Variants in CNTN5 observed in about 807,000 individuals in gnomAD.
CNTN5 encodes contactin-5.
CNTN5 carries 77 observed loss-of-function variants against 129.1 expected under a neutral mutation model. The ratio of observed to expected loss-of-function variants is 0.60; its 90% confidence interval spans 0.50 to 0.72. CNTN5 has a LOEUF of 0.72. Among genes scored for constraint, CNTN5 ranks in the 30% least tolerant of loss-of-function variants. The pLI is 0.00. For synonymous variants in CNTN5, 509 were observed against 465.6 expected (o/e 1.09, Z -1.20); for missense variants, 1,478 against 1,328.8 (o/e 1.11, Z -1.75).
intron 8 of CNTN5, among the ~76,000 whole-genome samples, chr11:99,964,644 G>C (rs1253897767): frequency 1.3e-5 from 2 of 152,112 alleles, no homozygotes; most frequent in Non-Finnish European, 2.9e-5. Flanking sequence ...TCTCTGCCAG[G>C]CTTTGGTATC....
At chr11:99,667,587 A>G (rs1952843665) in intron 3 of CNTN5, among the ~76,000 whole-genome samples, 2 of 152,176 alleles carry the variant, frequency 1.3e-5, no homozygotes. Flanking sequence ...TTTCAAAGCT[A>G]TTAAAATACG....
intron 3 of CNTN5, among the ~76,000 whole-genome samples, chr11:99,781,375 T>C (rs969399446): frequency 2.0e-5 from 3 of 152,088 alleles, no homozygotes; most frequent in Non-Finnish European, 4.4e-5. Flanking sequence ...CAATGCATTA[T>C]TTAAGGTGGA....
At chr11:100,233,605 A>G (rs1002034265) in intron 16 of CNTN5, among the ~76,000 whole-genome samples, 3 of 152,152 alleles carry the variant, frequency 2.0e-5, no homozygotes, top group Admixed American at 6.5e-5. Flanking sequence ...AATGACCACA[A>G]ACCTTACTGA....
At chr11:100,135,681 T>TCACC (rs920629041) in intron 13 of CNTN5, among the ~76,000 whole-genome samples, 11 of 152,160 alleles carry the variant, frequency 7.2e-5, no homozygotes, top group African/African-American at 2.7e-4. Flanking sequence ...AAGAGTAAAA[T>TCACC]CACCATGAGT....
chr11:99,143,592 T>G (rs116165346), intron 1 of CNTN5, among the ~76,000 whole-genome samples: 56 of 152,068 alleles, frequency 3.7e-4, no homozygotes, highest in African/African-American at 1.3e-3. Flanking sequence ...CCTTAAAATA[T>G]ATTGAGCACT....
intron 9 of CNTN5, among the ~76,000 whole-genome samples, chr11:100,012,693 G>T (rs978964137): frequency 6.6e-6 from 1 of 152,114 alleles, no homozygotes; most frequent in Non-Finnish European, 1.5e-5. Flanking sequence ...AGTATTCTCA[G>T]TTTACAGTTT....
At chr11:100,123,825 T>C (rs1179223391) in intron 13 of CNTN5, among the ~76,000 whole-genome samples, 1 of 152,150 alleles carries the variant, frequency 6.6e-6, no homozygotes, top group African/African-American at 2.4e-5. Flanking sequence ...AACCAGTATT[T>C]ATTGAGTACT....
At chr11:99,900,187 C>CT (rs71050031) in intron 6 of CNTN5, among the ~76,000 whole-genome samples, 51,001 of 144,172 alleles carry the variant, frequency 0.35, 9,784 homozygotes, top group Non-Finnish European at 0.45. Context: ...TTCTTTTTAT[C>CT]TTTTTTTTTT....
intron 3 of CNTN5, among the ~76,000 whole-genome samples, chr11:99,779,933 A>G (rs897672426): frequency 2.6e-5 from 4 of 152,018 alleles, no homozygotes; most frequent in African/African-American, 9.7e-5. Flanking sequence ...CTCCTACTAC[A>G]TCTTAGAGTG....
intron 7 of CNTN5, among the ~76,000 whole-genome samples, chr11:99,945,337 A>AT (rs1950530064): frequency 6.6e-6 from 1 of 152,032 alleles, no homozygotes; most frequent in Admixed American, 6.6e-5. Context: ...AGAATAGAAT[A>AT]TGGGTGTATG....
intron 3 of CNTN5, among the ~76,000 whole-genome samples, chr11:99,808,296 T>C (rs759817501): frequency 1.3e-5 from 2 of 152,114 alleles, no homozygotes; most frequent in Non-Finnish European, 2.9e-5. Context: ...TTAGCCCACT[T>C]GATGTCTTTG....
At chr11:99,341,680 A>G (rs188102554) in intron 2 of CNTN5, among the ~76,000 whole-genome samples, 40 of 152,298 alleles carry the variant, frequency 2.6e-4, no homozygotes, top group Admixed American at 7.2e-4. Context: ...ACAAACAACA[A>G]AAAGAGGAAA....
intron 1 of CNTN5, among the ~76,000 whole-genome samples, chr11:99,237,713 T>C (rs1278371888): frequency 6.6e-6 from 1 of 152,124 alleles, no homozygotes; most frequent in Admixed American, 6.5e-5. Flanking sequence ...ATAAAATGCC[T>C]AGTATGTGCC....
chr11:99,191,686 C>A (rs1304581085), intron 1 of CNTN5, among the ~76,000 whole-genome samples: 1 of 151,518 alleles, frequency 6.6e-6, no homozygotes, highest in Non-Finnish European at 1.5e-5. Flanking sequence ...ACAAATACAT[C>A]ACAATTAAAC....
chr11:99,249,492 A>G (rs527429887), intron 1 of CNTN5, among the ~76,000 whole-genome samples: 1 of 152,156 alleles, frequency 6.6e-6, no homozygotes, highest in African/African-American at 2.4e-5. Flanking sequence ...AAATTAATGT[A>G]TTTTGGAAAC....
At chr11:100,118,025 G>GAAAGC (rs1945895341) in intron 13 of CNTN5, among the ~76,000 whole-genome samples, 1 of 151,100 alleles carries the variant, frequency 6.6e-6, no homozygotes, top group Admixed American at 6.6e-5. Context: ...TTTTAACCTC[G>GAAAGC]CAGTTGTTTT....
intron 1 of CNTN5, among the ~76,000 whole-genome samples, chr11:99,314,066 T>G (rs938431500): frequency 1.3e-5 from 2 of 152,016 alleles, no homozygotes; most frequent in African/African-American, 4.8e-5. Context: ...AGGTGACATG[T>G]GAAGCTGTTT....
At chr11:99,159,361 G>A (rs977574040) in intron 1 of CNTN5, among the ~76,000 whole-genome samples, 1 of 152,154 alleles carries the variant, frequency 6.6e-6, no homozygotes, top group African/African-American at 2.4e-5. Context: ...AGTGGCTCAC[G>A]CCTGTAGTCC....
At chr11:99,180,801 T>A (rs1858015697) in intron 1 of CNTN5, among the ~76,000 whole-genome samples, 1 of 152,144 alleles carries the variant, frequency 6.6e-6, no homozygotes, top group African/African-American at 2.4e-5. Context: ...GAAGCACAAT[T>A]AATAAAATAC....
Sources: gnomAD v4.1 joint callset for allele counts (sites outside exome capture counted in the v4.1 genomes callset) on GRCh38, gnomAD v4.1.1 for gene constraint, MANE v1.5 for transcripts, NCBI Gene and HGNC (gene_info 2026-07-23, HGNC 2026-07-21) for gene names.